The following SMIM12 variants were observed in gnomAD, a reference collection of about 807,000 sequenced individuals.
SMIM12 encodes small integral membrane protein 12, also known as UPF0767 protein C1orf212.
Under a neutral mutation model 6.3 loss-of-function variants are expected in SMIM12, and 5 were observed. The ratio of observed to expected loss-of-function variants is 0.80; its 90% CI spans 0.42 to 1.68. The LOEUF (loss-of-function observed/expected upper bound fraction) is 1.68. SMIM12 is among the 40% of genes most tolerant of loss of function. The pLI, the probability that SMIM12 is intolerant of heterozygous loss-of-function variation, is 0.02. For synonymous variants in SMIM12, 51 were observed against 48.0 expected, an observed-to-expected ratio of 1.06 and a Z score of -0.26; for missense variants, 103 against 121.4, an observed-to-expected ratio of 0.85 and a Z score of 0.71.
At chr1:34,857,568 C>G (rs1234879757) in intron 1 of SMIM12, 1 of 152,160 alleles carries the variant, frequency 6.6e-6, no homozygotes, top group Non-Finnish European at 1.5e-5. Context: ...CCAAAAGTAT[C>G]CACTAAAAGA....
intron 1 of SMIM12, 44 bp from the exon 2 acceptor site, chr1:34,856,026 T>C: frequency 6.7e-7 from 1 of 1,496,092 alleles, no homozygotes; most frequent in Non-Finnish European, 8.9e-7. Context: ...CAGCATCATC[T>C]CCCACCAAAT....
chr1:34,856,392 G>A (rs138701417), intron 1 of SMIM12, among the ~76,000 whole-genome samples: 63 of 152,260 alleles, frequency 4.1e-4, no homozygotes, highest in Middle Eastern at 6.8e-3. Flanking sequence ...ACCCACCCCC[G>A]TGCAGAGCAA....
chr1:34,856,697 G>A (rs1463111422), intron 1 of SMIM12: 2 of 152,144 alleles, frequency 1.3e-5, no homozygotes, highest in Non-Finnish European at 2.9e-5. Flanking sequence ...CACAATCTAC[G>A]ATGAATCTCC....
chr1:34,851,724 G>A lies in SMIM12; in HGVS notation c.*3975C>T, dbSNP rs1305885738. The stretch of plus-strand genomic sequence containing the variant: ...GAAAAGCACCAGACACTGAACCGCT[G>A]CAGGGAGAGAAGTGATTCCTGCCGT... On this transcript the variant is annotated 3_prime_UTR_variant, in exon 2 of 2. Transcript: ENST00000521580. 2.0e-5 allele frequency among the ~76,000 whole-genome samples: 3 copies of A among 152,196 alleles called. No individual in the cohort carries two copies. The highest frequency in any genetic ancestry group is 2.9e-5 in the Non-Finnish European group (2 of 68,028).
Position 34,859,740 on chromosome 1 carries a change from A to C in SMIM12, c.-69T>G, listed in dbSNP as rs1464313094. ...CTCCGCCCGCTCGCCGGGAGCACGG[A>C]AGTCGCCGCACCCAGCGGCCCGCGG... On this transcript the variant is annotated 5_prime_UTR_variant, in exon 1 of 2. Coordinates refer to ENST00000521580, the MANE Select transcript of SMIM12 (RefSeq NM_138428.6). 2 of 152,282 alleles carry C rather than the reference A, an allele frequency of 1.3e-5. No homozygotes were observed. The highest frequency in any genetic ancestry group is 4.8e-5 in the African/African-American group (2 of 41,446). 9.4% of individuals were successfully genotyped at this position (152,282 alleles called of 1,614,324 possible).
intron 1 of SMIM12, chr1:34,858,873 A>G (rs1313915541): frequency 6.6e-6 from 1 of 152,188 alleles, no homozygotes; most frequent in Non-Finnish European, 1.5e-5. Flanking sequence ...TTTAAGCTCC[A>G]AAAGGCTAAG....
intron 1 of SMIM12, 28 bp from the exon 2 acceptor site, chr1:34,856,010 A>G (rs535418324): frequency 1.3e-6 from 2 of 1,518,570 alleles, no homozygotes; most frequent in Non-Finnish European, 1.8e-6. Flanking sequence ...GCAGCATTAG[A>G]GAACCCAGCA....
At position 34,852,055 on chromosome 1, in the gene SMIM12, G is replaced by GC. The variant is rs1640945966; in HGVS notation, c.*3643dup. On this transcript the variant is annotated 3_prime_UTR_variant, in exon 2 of 2. Transcript: ENST00000521580. ...GCACATATACTATCTTACAGCCACCGCAACGGCTGATTTCAGCCAGCCTGT... is the reference window on the plus strand; with the variant it reads ...GCACATATACTATCTTACAGCCACCGCCAACGGCTGATTTCAGCCAGCCTGT... Among the ~76,000 whole-genome samples, 1 of 152,202 alleles carries GC rather than the reference G, an allele frequency of 6.6e-6. No homozygotes were observed. The highest frequency in any genetic ancestry group is 2.4e-5 in the African/African-American group (1 of 41,452).
chr1:34,850,574 C>A lies in SMIM12; in HGVS notation c.*5125G>T, dbSNP rs1054949. On this transcript the variant is annotated 3_prime_UTR_variant, in exon 2 of 2. Coordinates refer to ENST00000521580, the MANE Select transcript of SMIM12 (RefSeq NM_138428.6). ...ATGTATTTGTATTTTATTATTCAGA[C>A]TGGCTGCCATCCCAACTAGATAAAG... 0.32 allele frequency: 47,933 copies of A among 148,754 alleles called. 8,604 individuals are homozygous for A. Among genetic ancestry groups the A allele is most frequent in the African/African-American group, 0.49 (20,224 of 41,220 alleles). The allele number at this position is 148,754 out of a possible 1,614,324, so 9.2% of individuals were successfully genotyped here. A position where few individuals can be genotyped will look rare whatever the true frequency, so the allele number is the denominator to read the frequency against.
chr1:34,855,254 C>A lies in SMIM12; in HGVS notation c.*445G>T, dbSNP rs749431179. The A allele has an allele frequency of 5.8e-6, 8 of 1,370,674 alleles. No individual in the cohort carries two copies. In the African/African-American group the frequency reaches 8.8e-5, roughly 15 times the overall value. The allele number at this position is 1,370,674 out of a possible 1,614,324, so 84.9% of individuals were successfully genotyped here. A position where few individuals can be genotyped will look rare whatever the true frequency, so the allele number is the denominator to read the frequency against. On this transcript the variant is annotated 3_prime_UTR_variant, in exon 2 of 2. Coordinates refer to ENST00000521580, the MANE Select transcript of SMIM12 (RefSeq NM_138428.6). Reference sequence around the variant, plus strand: ...AGACAGATTTCAGTAAGAATGAGCACAAAGGATAGGGCAAAATAGTGAAGG... The same window carrying A: ...AGACAGATTTCAGTAAGAATGAGCAAAAAGGATAGGGCAAAATAGTGAAGG...
rs1479881091 is a variant in SMIM12 at position 34,851,764 on chromosome 1, C to CTAT, written c.*3932_*3934dup. Among the ~76,000 whole-genome samples, 2 of 152,176 alleles carry CTAT rather than the reference C, an allele frequency of 1.3e-5. No homozygotes were observed. The highest frequency in any genetic ancestry group is 4.8e-5 in the African/African-American group (2 of 41,450). ...ATTCCTGCCGTGCTCGGAGAGGACC[C>CTAT]TATACTAAAGCCACCACCATCATTG... On this transcript the variant is annotated 3_prime_UTR_variant, in exon 2 of 2. Transcript: ENST00000521580.
rs1640952370 is a variant in SMIM12 at position 34,852,266 on chromosome 1, C to T, written c.*3433G>A. Among the ~76,000 whole-genome samples, 1 of 152,058 alleles carries T rather than the reference C, an allele frequency of 6.6e-6. No homozygotes were observed. The highest frequency in any genetic ancestry group is 1.5e-5 in the Non-Finnish European group (1 of 68,016). ...CGACCAGACACCAAGTGGAGGCCAA[C>T]GGGTGGTGACAGGGATATTTTAAAA... On this transcript the variant is annotated 3_prime_UTR_variant, in exon 2 of 2. Coordinates refer to ENST00000521580, the MANE Select transcript of SMIM12 (RefSeq NM_138428.6).
rs1405133023 is a variant in SMIM12, at chr1:34,850,788, T to C, written c.*4911A>G. ...TCGCTTGCCTCCAAGTCCAAGGCTC[T>C]TTCCCCTCCCAATTCTCCTGATCTG... is the stretch of plus-strand genomic sequence containing the variant. On this transcript the variant is annotated 3_prime_UTR_variant, in exon 2 of 2. Coordinates refer to ENST00000521580, the MANE Select transcript of SMIM12 (RefSeq NM_138428.6). 1 of 152,250 alleles carries C rather than the reference T, an allele frequency of 6.6e-6. No individual in the cohort carries two copies. The highest frequency in any genetic ancestry group is 2.4e-5 in the African/African-American group (1 of 41,454). The allele number at this position is 152,250 out of a possible 1,614,324, so 9.4% of individuals were successfully genotyped here.
rs2148381219 is a variant in SMIM12 at position 34,855,874 on chromosome 1, A to T, written c.104T>A (p.Ile35Asn). The change falls in exon 2 of 2, where the codon ATC (isoleucine) becomes AAC (asparagine). Residue 35 changes from isoleucine to asparagine, a missense_variant. Ile to Asn is a moderately radical substitution (Grantham distance 149, BLOSUM62 -3). Coordinates refer to ENST00000521580, the MANE Select transcript of SMIM12 (RefSeq NM_138428.6). ...GAVGYHLEWFIRGKDPQPVEE... is the reference protein window; with the variant it reads ...GAVGYHLEWFNRGKDPQPVEE... Reference sequence around the variant, plus strand: ...CACGGGCTGGGGGTCCTTTCCCCTGATGAACCATTCCAGGTGGTAACCCAC... The same window carrying T: ...CACGGGCTGGGGGTCCTTTCCCCTGTTGAACCATTCCAGGTGGTAACCCAC... 1 of 1,551,638 alleles carries T rather than the reference A, an allele frequency of 6.4e-7. No homozygotes were observed. The highest frequency in any genetic ancestry group is 2.4e-5 in the East Asian group (1 of 40,900).
Position 34,853,994 on chromosome 1 carries a change from CAACAACAACAACA to C in SMIM12, c.*1692_*1704del, listed in dbSNP as rs1182929503. ...CGAGACTCCATATTTAAAACAACAA[CAACAACAACAACA>C]AAAAAAAACTACAGACTGCCAGGCA... On this transcript the variant is annotated 3_prime_UTR_variant, in exon 2 of 2. Transcript: ENST00000521580. 5 of 127,802 alleles carry C rather than the reference CAACAACAACAACA, an allele frequency of 3.9e-5. No individual in the cohort carries two copies. The highest frequency in any genetic ancestry group is 3.2e-5 in the Non-Finnish European group (2 of 62,710). 7.9% of individuals were successfully genotyped at this position (127,802 alleles called of 1,614,324 possible).
rs1640952997 is a variant in SMIM12 at position 34,852,297 on chromosome 1, G to GAAAATCC, written c.*3395_*3401dup. On this transcript the variant is annotated 3_prime_UTR_variant, in exon 2 of 2. Transcript: ENST00000521580. Reference sequence around the variant, plus strand: ...GTGACAGGGATATTTTAAAAGATCTGAAAATCCAAAAATGTCCATGGGAAA... The same window carrying GAAAATCC: ...GTGACAGGGATATTTTAAAAGATCTGAAAATCCAAAATCCAAAAATGTCCATGGGAAA... 6.6e-6 allele frequency among the ~76,000 whole-genome samples: 1 copy of GAAAATCC among 152,068 alleles called. No individual in the cohort carries two copies. The highest frequency in any genetic ancestry group is 2.4e-5 in the African/African-American group (1 of 41,394).
At position 34,855,543 on chromosome 1, in the gene SMIM12, G is replaced by C; in HGVS notation, c.*156C>G. 6.2e-7 allele frequency: 1 copy of C among 1,612,394 alleles called. No individual in the cohort carries two copies. Among genetic ancestry groups the C allele is most frequent in the Non-Finnish European group, 8.5e-7 (1 of 1,179,454 alleles). ...CCTCGGCTGCTGCTGGGTCTGCCTG[G>C]CCATCAAGGAGCAGCCAGTATTTGT... On this transcript the variant is annotated 3_prime_UTR_variant, in exon 2 of 2. Coordinates refer to ENST00000521580, the MANE Select transcript of SMIM12 (RefSeq NM_138428.6).
At chr1:34,857,485 T>G (rs78210234) in intron 1 of SMIM12, 1,940 of 152,324 alleles carry the variant, frequency 0.013, 25 homozygotes, top group Non-Finnish European at 0.017. Flanking sequence ...TCATATACAC[T>G]CACTCTCTTA....
rs774468275 is a variant in SMIM12, at chr1:34,855,777, C to A, written c.201G>T (p.Thr67=). ...GCTTGTCCTTAAGGCTCACCACCTG[C>A]GTGTGGTCCTTGCCTAGAAGCTCAT... ...KLDELLGKDH[T]QVVSLKDKLE... The change falls in exon 2 of 2, where the codon ACG becomes ACT. Residue 67 remains threonine, a synonymous_variant. Coordinates refer to ENST00000521580, the MANE Select transcript of SMIM12 (RefSeq NM_138428.6). 1 of 1,566,382 alleles carries A rather than the reference C, an allele frequency of 6.4e-7. No individual in the cohort carries two copies. Among genetic ancestry groups the A allele is most frequent in the African/African-American group, 1.4e-5 (1 of 73,630 alleles).
Sources: gnomAD v4.1 joint callset for allele counts (sites outside exome capture counted in the v4.1 genomes callset) on GRCh38, gnomAD v4.1.1 for gene constraint, MANE v1.5 for transcripts, NCBI Gene and HGNC (gene_info 2026-07-23, HGNC 2026-07-21) for gene names.